The following RPRD1A variants were observed in gnomAD, a reference collection of about 807,000 sequenced individuals.
The protein encoded by RPRD1A is regulation of nuclear pre-mRNA domain containing 1A.
In RPRD1A, 9 loss-of-function variants were observed where a neutral mutation model predicts 37.8. The ratio of observed to expected loss-of-function variants is 0.24; its 90% CI spans 0.14 to 0.42. The LOEUF is 0.42. RPRD1A is among the 10% of genes least tolerant of loss of function. The probability of loss-of-function intolerance (pLI) is 1.00; values close to 1 mark genes in which losing one functional copy is unlikely to be tolerated. For missense variants in RPRD1A, 255 were observed against 371.0 expected (o/e 0.69, Z 2.57); for synonymous variants, 138 against 139.7 (o/e 0.99, Z 0.08).
intron 6 of RPRD1A, among the ~76,000 whole-genome samples, chr18:35,993,843 A>G (rs1908857622): frequency 6.6e-6 from 1 of 152,008 alleles, no homozygotes; most frequent in African/African-American, 2.4e-5. Context: ...TACCCCAACT[A>G]CCTGGTGCTG....
At chr18:36,045,272 C>T (rs953951481) in intron 1 of RPRD1A, among the ~76,000 whole-genome samples, 7 of 151,576 alleles carry the variant, frequency 4.6e-5, no homozygotes, top group African/African-American at 1.7e-4. Context: ...AAATAGAGGT[C>T]GCAAAAAAAA....
chr18:36,046,470 C>T (rs905021034), intron 1 of RPRD1A, among the ~76,000 whole-genome samples: 1 of 152,084 alleles, frequency 6.6e-6, no homozygotes, highest in Admixed American at 6.6e-5. Context: ...TTGCACACAA[C>T]AGTACCAGAG....
At position 36,012,260 on chromosome 18, in the gene RPRD1A, C is replaced by T. The variant is rs542278437; in HGVS notation, c.789+14640G>A. ...ATTACTCATGTGTTTGTGGTGACAG[C>T]CATGCTACCAGTTGTATAAAAGTAC... On this transcript the variant is annotated intron_variant, in intron 6 of 6. Transcript: ENST00000399022. Among the ~76,000 whole-genome samples, 3 of 152,226 alleles carry T rather than the reference C, an allele frequency of 2.0e-5. 1 individual carries two copies. In the South Asian group the frequency reaches 6.2e-4, roughly 32 times the overall value.
intron 6 of RPRD1A, among the ~76,000 whole-genome samples, chr18:36,011,348 C>G (rs1377096459): frequency 2.0e-5 from 3 of 152,154 alleles, no homozygotes; most frequent in Non-Finnish European, 4.4e-5. Context: ...ATCTGCCCAT[C>G]CAAATGTTAA....
At chr18:36,002,282 T>C (rs933136300) in intron 6 of RPRD1A, among the ~76,000 whole-genome samples, 1 of 152,230 alleles carries the variant, frequency 6.6e-6, no homozygotes, top group Non-Finnish European at 1.5e-5. Context: ...TTGGCTGTTC[T>C]ATTTGTGGGG....
At chr18:36,025,240 C>A (rs966616586) in intron 6 of RPRD1A, 2 of 156,188 alleles carry the variant, frequency 1.3e-5, no homozygotes, top group Admixed American at 1.3e-4. Flanking sequence ...GTTACTTAAT[C>A]TTCCTGTGCC....
At chr18:35,998,967 T>C (rs1039517511) in intron 6 of RPRD1A, among the ~76,000 whole-genome samples, 1 of 152,208 alleles carries the variant, frequency 6.6e-6, no homozygotes, top group African/African-American at 2.4e-5. Flanking sequence ...TTACAGCTAA[T>C]ACTAAGTATA....
intron 1 of RPRD1A, among the ~76,000 whole-genome samples, chr18:36,050,452 T>C (rs1284031063): frequency 6.6e-6 from 1 of 152,114 alleles, no homozygotes; most frequent in Non-Finnish European, 1.5e-5. Flanking sequence ...TTTGCTTTTG[T>C]ATCATCAAGA....
intron 4 of RPRD1A, chr18:36,027,560 A>G (rs1911460645): frequency 5.8e-6 from 2 of 342,348 alleles, no homozygotes; most frequent in Non-Finnish European, 1.1e-5. Flanking sequence ...GTGGAGACAG[A>G]GTAATAATAA....
chr18:36,067,107 G>A, intron 1 of RPRD1A, 147 bp downstream of exon 1: 1 of 730,940 alleles, frequency 1.4e-6, no homozygotes, highest in Non-Finnish European at 2.2e-6. Context: ...CAGAAGCGTG[G>A]TGCACGCAGC....
chr18:36,067,166 GCCGGGGGCGCTGGAGAAACGGGGTTC>G (rs1314755424), intron 1 of RPRD1A, 62 bp downstream of exon 1: 2 of 1,420,146 alleles, frequency 1.4e-6, no homozygotes, highest in Non-Finnish European at 1.9e-6. Flanking sequence ...ACGCCGGGAA[GCCGGGGGCGCTGGAGAAACGGGGTTC>G]CCGGGGGCGC....
chr18:36,045,459 T>C (rs966273602), intron 1 of RPRD1A, among the ~76,000 whole-genome samples: 1 of 152,162 alleles, frequency 6.6e-6, no homozygotes, highest in Non-Finnish European at 1.5e-5. Context: ...GCTTACATAG[T>C]TTCTGTCTGG....
chr18:36,009,378 G>A (rs1449143631), intron 6 of RPRD1A, among the ~76,000 whole-genome samples: 3 of 152,172 alleles, frequency 2.0e-5, no homozygotes, highest in African/African-American at 7.2e-5. Flanking sequence ...AGGATATGGA[G>A]GGGTTTACCC....
At chr18:36,013,049 G>C (rs1256330237) in intron 6 of RPRD1A, among the ~76,000 whole-genome samples, 1 of 152,108 alleles carries the variant, frequency 6.6e-6, no homozygotes, top group Non-Finnish European at 1.5e-5. Context: ...GGCGGGGTTG[G>C]TGTGCTGGCA....
At chr18:36,023,272 G>A (rs1419611274) in intron 6 of RPRD1A, among the ~76,000 whole-genome samples, 2 of 152,166 alleles carry the variant, frequency 1.3e-5, no homozygotes, top group Non-Finnish European at 2.9e-5. Flanking sequence ...AACATTAACA[G>A]GAGTTTGGAA....
chr18:36,004,930 TA>T (rs1182908757), intron 6 of RPRD1A, among the ~76,000 whole-genome samples: 1 of 150,328 alleles, frequency 6.7e-6, no homozygotes, highest in Non-Finnish European at 1.5e-5. Flanking sequence ...AAAATAAATT[TA>T]AAAAATAGAA....
chr18:35,995,573 T>TC (rs1469414755), intron 6 of RPRD1A, among the ~76,000 whole-genome samples: 1 of 152,210 alleles, frequency 6.6e-6, no homozygotes, highest in Non-Finnish European at 1.5e-5. Flanking sequence ...CGGCCTTGTC[T>TC]CCAAGTTCTT....
intron 1 of RPRD1A, among the ~76,000 whole-genome samples, chr18:36,053,324 T>C (rs1432125170): frequency 6.6e-6 from 1 of 152,166 alleles, no homozygotes; most frequent in East Asian, 1.9e-4. Flanking sequence ...ACCCATTAAG[T>C]AGTTATTCCC....
chr18:36,009,075 T>G (rs1307044014), intron 6 of RPRD1A, among the ~76,000 whole-genome samples: 1 of 152,138 alleles, frequency 6.6e-6, no homozygotes, highest in Non-Finnish European at 1.5e-5. Context: ...TTGTATTAAC[T>G]ATTTCCTAGG....
Sources: allele counts gnomAD v4.1 joint callset (sites outside exome capture counted in the v4.1 genomes callset), GRCh38; gene constraint gnomAD v4.1.1; transcripts MANE v1.5; gene names NCBI Gene and HGNC (gene_info 2026-07-23, HGNC 2026-07-21).